Variants in MDGA2 observed in about 807,000 individuals in gnomAD.
The protein encoded by MDGA2 is MAM domain containing glycosylphosphatidylinositol anchor 2.
A neutral mutation model predicts 117.8 loss-of-function variants in MDGA2; 40 were observed. The ratio of observed to expected loss-of-function variants is 0.34; its 90% CI spans 0.26 to 0.44. The LOEUF is 0.44. Ranked by LOEUF, MDGA2 falls within the 20% of genes least tolerant of loss-of-function variation. The pLI is 1.00. For synonymous variants in MDGA2, 452 were observed against 439.0 expected, an observed-to-expected ratio of 1.03 and a Z score of -0.37; for missense variants, 1,123 against 1,250.6, an observed-to-expected ratio of 0.90 and a Z score of 1.54.
chr14:47,158,006 TACACACACAC>T (rs3039402), intron 3 of MDGA2, among the ~76,000 whole-genome samples: 1 of 148,978 alleles, frequency 6.7e-6, no homozygotes, highest in Non-Finnish European at 1.5e-5. Context: ...ACAGTATCTA[TACACACACAC>T]ACACACACAC....
At chr14:46,909,830 T>C (rs1005593129) in intron 10 of MDGA2, among the ~76,000 whole-genome samples, 8 of 152,268 alleles carry the variant, frequency 5.3e-5, no homozygotes, top group Non-Finnish European at 8.8e-5. Flanking sequence ...AATTTTGTAT[T>C]GTGTCATTTT....
At chr14:46,872,488 T>C (rs2138360951) in intron 14 of MDGA2, among the ~76,000 whole-genome samples, 1 of 151,996 alleles carries the variant, frequency 6.6e-6, no homozygotes, top group South Asian at 2.1e-4. Context: ...TCAAGCTCTA[T>C]GGGGTTAGAT....
chr14:47,241,758 T>C (rs1378699506), intron 2 of MDGA2, among the ~76,000 whole-genome samples: 1 of 151,864 alleles, frequency 6.6e-6, no homozygotes, highest in African/African-American at 2.4e-5. Context: ...TATTTTATGA[T>C]TTTTCCACTG....
At chr14:47,399,455 C>G (rs1359868543) in intron 1 of MDGA2, among the ~76,000 whole-genome samples, 1 of 152,102 alleles carries the variant, frequency 6.6e-6, no homozygotes, top group East Asian at 1.9e-4. Context: ...TCTGTATTCT[C>G]AAAATAACTA....
Position 46,972,178 on chromosome 14 carries a change from A to T in MDGA2, c.1820-14535T>A, listed in dbSNP as rs543309800. On this transcript the variant is annotated intron_variant, in intron 8 of 16. Coordinates refer to ENST00000399232, the MANE Select transcript of MDGA2 (RefSeq NM_001113498.3). ...GGGGCTGAGTCCTTTAACTTGTAGG[A>T]TGTATGCTAACTCAGGATATTTACT... is the stretch of plus-strand genomic sequence containing the variant. 2.6e-4 allele frequency among the ~76,000 whole-genome samples: 39 copies of T among 152,230 alleles called. No homozygotes were observed. In the East Asian group the frequency reaches 7.5e-3, roughly 29 times the overall value.
At chr14:46,875,977 T>C (rs1882212726) in intron 12 of MDGA2, among the ~76,000 whole-genome samples, 2 of 151,760 alleles carry the variant, frequency 1.3e-5, no homozygotes, top group South Asian at 2.1e-4. Context: ...TAAAAATCTA[T>C]ACAATAATTT....
intron 10 of MDGA2, among the ~76,000 whole-genome samples, chr14:46,893,115 A>T (rs2138422599): frequency 6.6e-6 from 1 of 152,116 alleles, no homozygotes; most frequent in African/African-American, 2.4e-5. Context: ...TCCATGAATG[A>T]ATGAATGGAT....
rs113872963 is a variant in MDGA2, at chr14:47,138,116, G to A, written c.792+5962C>T. Among the ~76,000 whole-genome samples the A allele has an allele frequency of 4.6e-5, 7 of 152,140 alleles. 1 individual carries two copies. Among genetic ancestry groups the A allele is most frequent in the African/African-American group, 1.4e-4 (6 of 41,524 alleles). ...ATGTATAAGAAAGCAGAGAATATGT[G>A]CACACATAGATTAATGTTATCAAAT... On this transcript the variant is annotated intron_variant, in intron 4 of 16. Transcript: ENST00000399232.
chr14:47,206,665 G>A (rs1185750209), intron 3 of MDGA2, among the ~76,000 whole-genome samples: 2 of 151,978 alleles, frequency 1.3e-5, no homozygotes, highest in Non-Finnish European at 2.9e-5. Context: ...GGAAGCTGGA[G>A]GATTGCTTGA....
intron 1 of MDGA2, among the ~76,000 whole-genome samples, chr14:47,522,363 G>GTGTATATATC (rs1455384118): frequency 1.7e-5 from 2 of 118,354 alleles, no homozygotes; most frequent in Non-Finnish European, 4.0e-5. Flanking sequence ...ATGTATATAT[G>GTGTATATATC]TGTATATATA....
At chr14:46,985,520 T>C (rs144619394) in intron 8 of MDGA2, among the ~76,000 whole-genome samples, 1 of 152,190 alleles carries the variant, frequency 6.6e-6, no homozygotes, top group African/African-American at 2.4e-5. Context: ...CATACTTATT[T>C]CTTACCTGAG....
chr14:47,244,078 C>T (rs1887159733), intron 2 of MDGA2, among the ~76,000 whole-genome samples: 1 of 151,680 alleles, frequency 6.6e-6, no homozygotes, highest in Non-Finnish European at 1.5e-5. Context: ...TTAGCTCTCT[C>T]TTGTGAGAGA....
At chr14:47,377,114 A>G (rs571309594) in intron 1 of MDGA2, among the ~76,000 whole-genome samples, 1 of 152,314 alleles carries the variant, frequency 6.6e-6, no homozygotes, top group East Asian at 1.9e-4. Flanking sequence ...GGTACTTAGA[A>G]TGAGATGATA....
intron 9 of MDGA2, among the ~76,000 whole-genome samples, chr14:46,933,322 C>T (rs1184183086): frequency 6.6e-6 from 1 of 151,890 alleles, no homozygotes; most frequent in African/African-American, 2.4e-5. Flanking sequence ...AGATTGATTT[C>T]ATTACTAGCA....
intron 1 of MDGA2, among the ~76,000 whole-genome samples, chr14:47,605,967 T>C (rs74400219): frequency 0.033 from 4,963 of 152,256 alleles, 287 homozygotes; most frequent in African/African-American, 0.11. Flanking sequence ...TCTTCCTTCA[T>C]GGTGCTGAAT....
intron 7 of MDGA2, among the ~76,000 whole-genome samples, chr14:47,055,006 T>TC (rs563532846): frequency 3.5e-4 from 52 of 146,506 alleles, no homozygotes; most frequent in South Asian, 6.4e-4. Flanking sequence ...TCTTTTCTTT[T>TC]TTTTTTTTTT....
intron 8 of MDGA2, among the ~76,000 whole-genome samples, chr14:46,957,965 TTTTG>T (rs1208572126): frequency 6.6e-6 from 1 of 152,210 alleles, no homozygotes; most frequent in South Asian, 2.1e-4. Context: ...TATATTCCTT[TTTTG>T]TTTGTTTGGG....
intron 1 of MDGA2, among the ~76,000 whole-genome samples, chr14:47,448,443 A>G (rs1893173648): frequency 6.6e-6 from 1 of 151,950 alleles, no homozygotes; most frequent in African/African-American, 2.4e-5. Flanking sequence ...CCCAGCCCGA[A>G]GTCTACTTTC....
chr14:47,341,929 T>TCCCGGGTTCAGGC (rs1307057835), intron 1 of MDGA2, among the ~76,000 whole-genome samples: 2 of 152,058 alleles, frequency 1.3e-5, no homozygotes, highest in Non-Finnish European at 2.9e-5. Context: ...ACCTCTGACC[T>TCCCGGGTTCAGGC]CCCGGGTTCA....
Sources: allele counts gnomAD v4.1 joint callset (sites outside exome capture counted in the v4.1 genomes callset), GRCh38; gene constraint gnomAD v4.1.1; transcripts MANE v1.5; gene names NCBI Gene and HGNC (gene_info 2026-07-23, HGNC 2026-07-21).